Variants in ABTB3 observed in about 807,000 individuals in gnomAD.
ABTB3 encodes the protein ankyrin repeat- and BTB/POZ domain-containing protein 3.
the ABTB3 span, among the ~76,000 whole-genome samples, chr12:107,367,807 T>C: frequency 6.6e-6 from 1 of 152,118 alleles, no homozygotes; most frequent in Non-Finnish European, 1.5e-5. Flanking sequence ...TCCCGGCCTC[T>C]CTCTCTCATT....
the ABTB3 span, among the ~76,000 whole-genome samples, chr12:107,583,482 A>G: frequency 6.6e-6 from 1 of 152,200 alleles, no homozygotes; most frequent in Non-Finnish European, 1.5e-5. Context: ...GGAGCCAGAT[A>G]TCGCACCCAG....
the ABTB3 span, among the ~76,000 whole-genome samples, chr12:107,429,099 G>T: frequency 6.6e-6 from 1 of 152,358 alleles, no homozygotes; most frequent in Non-Finnish European, 1.5e-5. Flanking sequence ...TGAGTGTGAA[G>T]GTTGGGGCTT....
the ABTB3 span, among the ~76,000 whole-genome samples, chr12:107,411,752 G>A: frequency 6.6e-6 from 1 of 152,194 alleles, no homozygotes; most frequent in Non-Finnish European, 1.5e-5. Flanking sequence ...GGACTGACTA[G>A]CTGTGGCCAG....
chr12:107,436,151 T>C, the ABTB3 span, among the ~76,000 whole-genome samples: 1 of 152,208 alleles, frequency 6.6e-6, no homozygotes, highest in African/African-American at 2.4e-5. Flanking sequence ...AAGGAGTTTT[T>C]ATGATTCTTC....
At chr12:107,533,714 T>C in the ABTB3 span, among the ~76,000 whole-genome samples, 2 of 152,298 alleles carry the variant, frequency 1.3e-5, no homozygotes, top group Middle Eastern at 3.4e-3. Flanking sequence ...AATGGACAGA[T>C]CATCCAGACA....
At chr12:107,494,110 G>A in the ABTB3 span, among the ~76,000 whole-genome samples, 15 of 152,196 alleles carry the variant, frequency 9.9e-5, no homozygotes, top group South Asian at 8.3e-4. Context: ...GCTCAGAGAC[G>A]GCAAGTGAGA....
chr12:107,632,907 G>A, the ABTB3 span, among the ~76,000 whole-genome samples: 1 of 152,172 alleles, frequency 6.6e-6, no homozygotes, highest in Non-Finnish European at 1.5e-5. Context: ...CTTGCCATGT[G>A]GCCCCTCCAT....
chr12:107,509,306 A>G, the ABTB3 span, among the ~76,000 whole-genome samples: 915 of 152,342 alleles, frequency 6.0e-3, 13 homozygotes, highest in African/African-American at 0.02. Flanking sequence ...CTGAAGCCAA[A>G]CCACCAAAAG....
chr12:107,361,819 A>G, the ABTB3 span, among the ~76,000 whole-genome samples: 4 of 152,074 alleles, frequency 2.6e-5, no homozygotes, highest in African/African-American at 9.7e-5. Context: ...CTCAACTTGT[A>G]TGTTGAATTT....
chr12:107,421,488 A>G, the ABTB3 span, among the ~76,000 whole-genome samples: 1 of 152,246 alleles, frequency 6.6e-6, no homozygotes, highest in African/African-American at 2.4e-5. Context: ...CTTTCTTAGA[A>G]TTTAAGGCAA....
chr12:107,649,122 C>A, the ABTB3 span: 1 of 1,260,546 alleles, frequency 7.9e-7, no homozygotes, highest in Non-Finnish European at 1.2e-6. Context: ...GTCTCAGGAA[C>A]TAAGCCTGAG....
At chr12:107,449,313 T>C in the ABTB3 span, among the ~76,000 whole-genome samples, 5 of 152,240 alleles carry the variant, frequency 3.3e-5, no homozygotes, top group Admixed American at 6.5e-5. Flanking sequence ...CATGCTCAGA[T>C]GAAGCAGACC....
chr12:107,428,156 G>A, the ABTB3 span, among the ~76,000 whole-genome samples: 1 of 152,202 alleles, frequency 6.6e-6, no homozygotes, highest in East Asian at 1.9e-4. Context: ...ATAGATGCTT[G>A]TTGAATGGCT....
chr12:107,412,804 C>T, the ABTB3 span, among the ~76,000 whole-genome samples: 1 of 151,944 alleles, frequency 6.6e-6, no homozygotes. Context: ...CCACCCTACC[C>T]ATCTAGTGTC....
the ABTB3 span, among the ~76,000 whole-genome samples, chr12:107,364,765 C>G: frequency 6.6e-6 from 1 of 152,174 alleles, no homozygotes; most frequent in Non-Finnish European, 1.5e-5. Context: ...CACCATATGT[C>G]TAGTGCTTAT....
At chr12:107,621,550 A>G in the ABTB3 span, among the ~76,000 whole-genome samples, 1 of 152,232 alleles carries the variant, frequency 6.6e-6, no homozygotes, top group African/African-American at 2.4e-5. Flanking sequence ...ATTAAGTAAA[A>G]CTAACCTGTG....
the ABTB3 span, among the ~76,000 whole-genome samples, chr12:107,593,865 G>A: frequency 6.6e-6 from 1 of 152,130 alleles, no homozygotes; most frequent in African/African-American, 2.4e-5. Flanking sequence ...GAAAATAGAA[G>A]GGCAGGGCAT....
chr12:107,526,304 T>C, the ABTB3 span, among the ~76,000 whole-genome samples: 2 of 152,132 alleles, frequency 1.3e-5, no homozygotes, highest in Non-Finnish European at 2.9e-5. Flanking sequence ...CAGCTGGCAA[T>C]TCTTTGATCC....
chr12:107,545,247 C>CT, the ABTB3 span, among the ~76,000 whole-genome samples: 71 of 150,810 alleles, frequency 4.7e-4, no homozygotes, highest in Admixed American at 2.5e-3. Context: ...TTTTCTTTTT[C>CT]TTTTTTTTTG....
Sources: allele counts gnomAD v4.1 joint callset (sites outside exome capture counted in the v4.1 genomes callset), GRCh38; gene constraint gnomAD v4.1.1; transcripts MANE v1.5; gene names NCBI Gene and HGNC (gene_info 2026-07-23, HGNC 2026-07-21).